DLL4: variants seen among roughly 807,000 people sequenced by gnomAD.
DLL4 encodes delta like canonical Notch ligand 4.
DLL4 carries 7 observed loss-of-function variants against 73.6 expected under a neutral mutation model. The observed-to-expected ratio is 0.10, with a 90% CI of 0.05 to 0.18. DLL4 has a LOEUF of 0.18. DLL4 is among the 10% of genes least tolerant of loss of function. DLL4 has a pLI of 1.00. For synonymous variants in DLL4, 345 were observed against 374.3 expected, an observed-to-expected ratio of 0.92 and a Z score of 0.90; for missense variants, 614 against 929.9, an observed-to-expected ratio of 0.66 and a Z score of 4.42.
rs751229569 is a variant in DLL4, at chr15:40,930,663, A to G, written c.375A>G (p.Pro125=). 3.1e-6 allele frequency: 5 copies of G among 1,613,758 alleles called. No individual in the cohort carries two copies. Among genetic ancestry groups the G allele is most frequent in the South Asian group, 1.1e-5 (1 of 91,070 alleles). Residue 125 remains proline (P), a synonymous_variant, in exon 3 of 11, where the codon CCA becomes CCG. Coordinates refer to ENST00000249749, the MANE Select transcript of DLL4 (RefSeq NM_019074.4). This position sits in a 1 kb window ranked among gnomAD's most constrained non-coding sequence, Gnocchi z 5.7. ...TCATCATCGAAGCTTGGCACGCGCC[A>G]GGAGACGACCTGCGGCCAGGTGAGT... ...FSLIIEAWHA[P]GDDLRPEALP...
intron 6 of DLL4, among the ~76,000 whole-genome samples, chr15:40,933,381 C>T (rs1020022785): frequency 4.6e-5 from 7 of 152,090 alleles, no homozygotes; most frequent in Admixed American, 1.3e-4. Context: ...CATATTTGCT[C>T]CCAGGTGACA....
In DLL4 at chr15:40,936,663, G is replaced by C; in HGVS notation, c.1676G>C (p.Arg559Pro). The change falls in exon 9 of 11, where the codon CGG (arginine) becomes CCG (proline). Residue 559 changes from arginine (R) to proline (P), a missense_variant. Transcript: ENST00000249749. ...GCTGTGCGGCAGCTGCGGCTTCGAC[G>C]GCCGGACGACGGCAGCAGGGAAGCC... ...AVAVRQLRLR[R>P]PDDGSREAMN... is the part of the protein sequence containing the mutation. 6.2e-7 allele frequency: 1 copy of C among 1,612,646 alleles called. No individual in the cohort carries two copies. Among genetic ancestry groups the C allele is most frequent in the Non-Finnish European group, 8.5e-7 (1 of 1,179,858 alleles).
chr15:40,932,945 C>G (rs530272772), intron 6 of DLL4, among the ~76,000 whole-genome samples: 3 of 152,318 alleles, frequency 2.0e-5, no homozygotes, highest in Middle Eastern at 3.4e-3. Flanking sequence ...GGTGTGGGCA[C>G]AAACGGCCTC....
In DLL4 at chr15:40,936,256, C is replaced by A. The variant is rs1450888060; in HGVS notation, c.1269C>A (p.Ser423Arg). The A allele has an allele frequency of 6.2e-7, 1 of 1,603,874 alleles. No individual in the cohort carries two copies. The highest frequency in any genetic ancestry group is 8.5e-7 in the Non-Finnish European group (1 of 1,176,514). Reference sequence around the variant, plus strand: ...GACAGTGCCTGAACCGAGGTCCAAGCCGCATGTGCCGCTGCCGTCCTGGAT... The same window carrying A: ...GACAGTGCCTGAACCGAGGTCCAAGACGCATGTGCCGCTGCCGTCCTGGAT... Reference protein sequence around the residue: ...NGGQCLNRGPSRMCRCRPGFT... With the variant: ...NGGQCLNRGPRRMCRCRPGFT... The change falls in exon 9 of 11, where the codon AGC becomes AGA. Residue 423 changes from serine (S) to arginine (R), a missense_variant. Ser to Arg is a moderately radical substitution (Grantham distance 110, BLOSUM62 -1). This residue lies in a region of DLL4 where 386 missense variants were observed against 541.3 expected (regional missense o/e 0.71). Transcript: ENST00000249749.
Position 40,938,176 on chromosome 15 carries a change from A to G in DLL4, c.*142A>G, listed in dbSNP as rs1892871355. 3.1e-6 allele frequency: 3 copies of G among 961,876 alleles called. No individual in the cohort carries two copies. The highest frequency in any genetic ancestry group is 4.3e-6 in the Non-Finnish European group (3 of 690,106). 59.6% of individuals were successfully genotyped at this position (961,876 alleles called of 1,614,324 possible). A position where few individuals can be genotyped will look rare whatever the true frequency, so the allele number is the denominator to read the frequency against. ...GAGGAGGGAATGGCAGGAACCGGAC[A>G]GACTGTGAACTTGCCAAGAGATGCA... is the stretch of plus-strand genomic sequence containing the variant. On this transcript the variant is annotated 3_prime_UTR_variant, in exon 11 of 11. Transcript: ENST00000249749.
At position 40,938,978 on chromosome 15, in the gene DLL4, A is replaced by C. The variant is rs1354064414; in HGVS notation, c.*944A>C. On this transcript the variant is annotated 3_prime_UTR_variant, in exon 11 of 11. Coordinates refer to ENST00000249749, the MANE Select transcript of DLL4 (RefSeq NM_019074.4). ...AGTTTATTTTGGAGTCTAGTATTTC[A>C]ATAATTTAAGAATCAGAAGCACTGA... 6.8e-6 allele frequency: 1 copy of C among 147,394 alleles called. No homozygotes were observed. The highest frequency in any genetic ancestry group is 1.5e-5 in the Non-Finnish European group (1 of 66,940). 9.1% of individuals were successfully genotyped at this position (147,394 alleles called of 1,614,324 possible). A position where few individuals can be genotyped will look rare whatever the true frequency, so the allele number is the denominator to read the frequency against.
At position 40,935,035 on chromosome 15, in the gene DLL4, T is replaced by C. The variant is rs762170748; in HGVS notation, c.1158T>C (p.Tyr386=). 45 of 1,613,404 alleles carry C rather than the reference T, an allele frequency of 2.8e-5. No individual in the cohort carries two copies. The highest frequency in any genetic ancestry group is 8.3e-5 in the Admixed American group (5 of 60,012). ...SCRERNQGAN[Y]ACECPPNFTG... The stretch of plus-strand genomic sequence containing the variant: ...GGGAGCGCAACCAGGGGGCCAACTA[T>C]GCTTGTGAATGTCCCCCCAACTTCA... Residue 386 remains tyrosine, a synonymous_variant, in exon 8 of 11, where the codon TAT becomes TAC. Transcript: ENST00000249749.
chr15:40,935,228 C>T, intron 8 of DLL4, 111 bp downstream of exon 8: 3 of 1,100,494 alleles, frequency 2.7e-6, no homozygotes, highest in South Asian at 3.0e-5. Context: ...TCTGGCCCCC[C>T]ATCTGCTCTG....
Position 40,929,394 on chromosome 15 carries a change from C to T in DLL4, c.-275C>T. 1 of 432,852 alleles carries T rather than the reference C, an allele frequency of 2.3e-6. No individual in the cohort carries two copies. Among genetic ancestry groups the T allele is most frequent in the South Asian group, 6.3e-5 (1 of 15,802 alleles). 26.8% of individuals were successfully genotyped at this position (432,852 alleles called of 1,614,324 possible). A position where few individuals can be genotyped will look rare whatever the true frequency, so the allele number is the denominator to read the frequency against. On this transcript the variant is annotated 5_prime_UTR_variant, in exon 1 of 11. Transcript: ENST00000249749. This position sits in a 1 kb window ranked among gnomAD's most constrained non-coding sequence, Gnocchi z 7.1. The stretch of plus-strand genomic sequence containing the variant: ...ACGAGGCCAAGAGCCGCAGCCCCAG[C>T]CGCCTTGGTGCAGCGTACACCGGCA...
rs769171807 is a variant in DLL4 at position 40,937,502 on chromosome 15, G to A, written c.2028G>A (p.Arg676=). 135 of 1,612,722 alleles carry A rather than the reference G, an allele frequency of 8.4e-5. No individual in the cohort carries two copies. Among genetic ancestry groups the A allele is most frequent in the Non-Finnish European group, 1.1e-4 (131 of 1,178,702 alleles). Residue 676 remains arginine (R), a synonymous_variant, in exon 10 of 11, where the codon AGG becomes AGA. Transcript: ENST00000249749. ...CTGTGTGTTTGATATCAGAGGAGAG[G>A]AATGAATGTGTCATTGCCACGGAGG... ...YQSVCLISEE[R]NECVIATEV
rs755628140 is a variant in DLL4, at chr15:40,931,484, C to T, written c.395-19C>T. 15 of 1,601,310 alleles carry T rather than the reference C, an allele frequency of 9.4e-6. No individual in the cohort carries two copies. The East Asian group carries it at 2.5e-4, about 27-fold the overall frequency. On this transcript the variant is annotated intron_variant, in intron 3 of 10. Transcript: ENST00000249749. ...GGGGACTGGCGACCCTTCCCTGACC[C>T]GACCCTCTGCCCCCTCAGAGGCCTT...
intron 6 of DLL4, among the ~76,000 whole-genome samples, chr15:40,933,953 T>C (rs923334605): frequency 3.5e-5 from 5 of 144,436 alleles, no homozygotes; most frequent in African/African-American, 1.3e-4. Context: ...GAAGTAGAGC[T>C]TGCAGTGAGC....
In DLL4 at chr15:40,934,723, G is replaced by A. The variant is rs1473813108; in HGVS notation, c.1020+6G>A. The A allele has an allele frequency of 1.2e-6, 2 of 1,612,410 alleles. No homozygotes were observed. The highest frequency in any genetic ancestry group is 1.7e-5 in the Admixed American group (1 of 59,948). ...GCAATGGAGGCAGCTGTAAGGTGAG[G>A]CCCAGACCAGCGCAGGAAGACAGAG... On this transcript the variant is annotated splice_donor_region_variant and intron_variant, in intron 7 of 10. Coordinates refer to ENST00000249749, the MANE Select transcript of DLL4 (RefSeq NM_019074.4).
At chr15:40,937,381 C>CG in intron 9 of DLL4, 37 bp from the exon 10 acceptor site, 1 of 1,460,108 alleles carries the variant, frequency 6.8e-7, no homozygotes, top group Non-Finnish European at 9.6e-7. Flanking sequence ...AGCCTCTCCC[C>CG]GTCCCTCCCT....
intron 4 of DLL4, 34 bp downstream of exon 4, chr15:40,931,800 G>T: frequency 2.5e-6 from 4 of 1,610,466 alleles, no homozygotes; most frequent in Non-Finnish European, 3.4e-6. Flanking sequence ...TGTGGAAGGG[G>T]AGGGTCCCCT....
At position 40,930,753 on chromosome 15, in the gene DLL4, C is replaced by G; in HGVS notation, c.394+71C>G. The G allele has an allele frequency of 7.2e-7, 1 of 1,383,888 alleles. No homozygotes were observed. The highest frequency in any genetic ancestry group is 1.0e-6 in the Non-Finnish European group (1 of 982,106). The allele number at this position is 1,383,888 out of a possible 1,614,324, so 85.7% of individuals were successfully genotyped here. ...GCCGAAAGAGTTAATCTGTTCTAGG[C>G]GGGGGAAGTGCGGGCTTGGGGGTGG... On this transcript the variant is annotated intron_variant, in intron 3 of 10. Coordinates refer to ENST00000249749, the MANE Select transcript of DLL4 (RefSeq NM_019074.4). This position sits in a 1 kb window ranked among gnomAD's most constrained non-coding sequence, Gnocchi z 5.7.
chr15:40,930,444 G>A lies in DLL4; in HGVS notation c.337-181G>A, dbSNP rs1892749834. 2 of 663,592 alleles carry A rather than the reference G, an allele frequency of 3.0e-6. No individual in the cohort carries two copies. The highest frequency in any genetic ancestry group is 5.4e-6 in the Non-Finnish European group (2 of 368,814). 41.1% of individuals were successfully genotyped at this position (663,592 alleles called of 1,614,324 possible). On this transcript the variant is annotated intron_variant, in intron 2 of 10. Transcript: ENST00000249749. The surrounding 1 kb of genome is among the most constrained non-coding windows in gnomAD (Gnocchi z 5.7). ...CCCGTCTCTCAACCCTCCCTCTACC[G>A]GGGGTTCTCCTCTCGCCTTCCCTGC...
In DLL4 at chr15:40,929,371, G is replaced by A. The variant is rs976104394; in HGVS notation, c.-298G>A. On this transcript the variant is annotated 5_prime_UTR_variant, in exon 1 of 11. Transcript: ENST00000249749. This position sits in a 1 kb window ranked among gnomAD's most constrained non-coding sequence, Gnocchi z 7.1. The stretch of plus-strand genomic sequence containing the variant: ...GGCGCTGCGCGCAGGCCGGGAACAC[G>A]AGGCCAAGAGCCGCAGCCCCAGCCG... 2 of 413,216 alleles carry A rather than the reference G, an allele frequency of 4.8e-6. No individual in the cohort carries two copies. The highest frequency in any genetic ancestry group is 7.4e-5 in the South Asian group (1 of 13,604). 25.6% of individuals were successfully genotyped at this position (413,216 alleles called of 1,614,324 possible).
rs372420494 is a variant in DLL4 at position 40,936,763 on chromosome 15, G to A, written c.1776G>A (p.Lys592=). The A allele has an allele frequency of 6.2e-7, 1 of 1,613,944 alleles. No homozygotes were observed. The highest frequency in any genetic ancestry group is 8.5e-7 in the Non-Finnish European group (1 of 1,179,898). ...AAQLKNTNQK[K]ELEVDCGLDK... is the part of the protein sequence containing the mutation. ...AGCTTAAAAACACAAACCAGAAGAA[G>A]GAGCTGGAAGTGGACTGTGGCCTGG... Residue 592 remains lysine (K), a synonymous_variant, in exon 9 of 11, where the codon AAG becomes AAA. Coordinates refer to ENST00000249749, the MANE Select transcript of DLL4 (RefSeq NM_019074.4).
Sources: allele counts gnomAD v4.1 joint callset (sites outside exome capture counted in the v4.1 genomes callset), GRCh38; gene constraint gnomAD v4.1.1; regional missense constraint gnomAD v4.1.1; non-coding constraint Gnocchi (gnomAD v3.1); transcripts MANE v1.5; gene names NCBI Gene and HGNC (gene_info 2026-07-23, HGNC 2026-07-21).